The following ALDOB variants were observed in gnomAD, a reference collection of about 807,000 sequenced individuals.
ALDOB encodes the protein aldolase, fructose-bisphosphate B, also known as fructose-bisphosphate aldolase B.
A neutral mutation model predicts 41.0 loss-of-function variants in ALDOB; 39 were observed. The observed-to-expected ratio is 0.95, with a 90% CI of 0.74 to 1.24. ALDOB has a LOEUF of 1.24. Among genes scored for constraint, ALDOB ranks in the 50% most tolerant of loss-of-function variants. ALDOB has a pLI of 0.00. For synonymous variants in ALDOB, 175 were observed against 168.8 expected (o/e 1.04, Z -0.28); for missense variants, 530 against 457.3 (o/e 1.16, Z -1.45).
Position 101,427,535 on chromosome 9 carries a change from C to A in ALDOB, c.487G>T (p.Ala163Ser). Residue 163 changes from alanine to serine, a missense_variant, in exon 5 of 9, where the codon GCT becomes TCT. Ala to Ser is a moderately conservative substitution (Grantham distance 99, BLOSUM62 1). Coordinates refer to ENST00000647789, the MANE Select transcript of ALDOB (RefSeq NM_000035.4). ...AGGGCGTTGGCGTTTTCCTGGATAG[C>A]GAGGCTGGATGGACACTGGTCGGCA... ...RIADQCPSSL[A>S]IQENANALAR... 6.2e-7 allele frequency: 1 copy of A among 1,614,124 alleles called. No homozygotes were observed. Among genetic ancestry groups the A allele is most frequent in the Non-Finnish European group, 8.5e-7 (1 of 1,180,020 alleles).
intron 8 of ALDOB, 85 bp downstream of exon 8, chr9:101,424,758 C>T (rs1588169967): frequency 7.8e-6 from 12 of 1,532,004 alleles, no homozygotes; most frequent in South Asian, 3.4e-5. Context: ...CTTCTTGGCC[C>T]AAAGAAAACA....
chr9:101,424,378 C>T lies in ALDOB; in HGVS notation c.999+465G>A, dbSNP rs538386960. Among the ~76,000 whole-genome samples the T allele has an allele frequency of 1.2e-3, 176 of 152,276 alleles. 4 individuals are homozygous for T. The Middle Eastern group carries it at 0.014, about 12-fold the overall frequency. On this transcript the variant is annotated intron_variant, in intron 8 of 8. Coordinates refer to ENST00000647789, the MANE Select transcript of ALDOB (RefSeq NM_000035.4). ...AGGTTGCAGTGAGCCGAGATTGTGC[C>T]ACTGTACTCCAGCCTGGGTGACAGA...
intron 6 of ALDOB, among the ~76,000 whole-genome samples, chr9:101,426,136 A>T (rs1831125647): frequency 6.6e-6 from 1 of 152,190 alleles, no homozygotes; most frequent in East Asian, 1.9e-4. Context: ...ACTTTCTCAC[A>T]GTGTATGAAT....
chr9:101,421,977 T>C (rs977880857), intron 8 of ALDOB, 73 bp from the exon 9 acceptor site: 25 of 1,275,662 alleles, frequency 2.0e-5, no homozygotes, highest in Middle Eastern at 3.9e-4. Context: ...CTGCCTCTCA[T>C]GGGAAACCAG....
chr9:101,431,765 G>T (rs941993302), intron 1 of ALDOB, among the ~76,000 whole-genome samples: 2 of 152,148 alleles, frequency 1.3e-5, no homozygotes, highest in Non-Finnish European at 2.9e-5. Context: ...TTTTTGCATA[G>T]GTTGGGCTAC....
Position 101,421,693 on chromosome 9 carries a change from T to C in ALDOB, c.*116A>G, listed in dbSNP as rs2118332362. The stretch of plus-strand genomic sequence containing the variant: ...CCTTGTACTTAAGATTTAACATGTG[T>C]TGTATTTCCAGCAGTTCAAATCTAA... On this transcript the variant is annotated 3_prime_UTR_variant, in exon 9 of 9. Transcript: ENST00000647789. 1.2e-6 allele frequency: 1 copy of C among 815,480 alleles called. No homozygotes were observed. The highest frequency in any genetic ancestry group is 1.4e-5 in the South Asian group (1 of 69,782). 50.5% of individuals were successfully genotyped at this position (815,480 alleles called of 1,614,324 possible).
rs1588170533 is a variant in ALDOB, at chr9:101,425,604, G to C, written c.648C>G (p.Ala216=). 6.2e-7 allele frequency: 1 copy of C among 1,614,108 alleles called. No individual in the cohort carries two copies. Among genetic ancestry groups the C allele is most frequent in the Non-Finnish European group, 8.5e-7 (1 of 1,180,036 alleles). ...CCAGGTAAACATGATGGTCATTCAGGGCCTTGTAGACAGCAGCCAGGACCT... is the reference window on the plus strand; with the variant it reads ...CCAGGTAAACATGATGGTCATTCAGCGCCTTGTAGACAGCAGCCAGGACCT... The part of the protein sequence containing the change: ...TEKVLAAVYK[A]LNDHHVYLEG... Residue 216 remains alanine (A), a synonymous_variant, in exon 7 of 9, where the codon GCC becomes GCG. Transcript: ENST00000647789.
intron 1 of ALDOB, among the ~76,000 whole-genome samples, chr9:101,431,444 G>A (rs1831217790): frequency 6.6e-6 from 1 of 152,200 alleles, no homozygotes. Flanking sequence ...AGAGGGTTGG[G>A]TGCAAGTTTC....
Position 101,427,169 on chromosome 9 carries a change from T to C in ALDOB, c.540+313A>G, listed in dbSNP as rs183895835. On this transcript the variant is annotated intron_variant, in intron 5 of 8. Transcript: ENST00000647789. ...TCTAAGAGGATCATGTCTTGGATGT[T>C]ACGGAGTATAGACAACCAAGTTCCC... Among the ~76,000 whole-genome samples the C allele has an allele frequency of 3.4e-3, 524 of 152,298 alleles. 2 individuals carry two copies. The highest frequency in any genetic ancestry group is 5.2e-3 in the Non-Finnish European group (357 of 68,024).
At chr9:101,425,685 C>T in intron 6 of ALDOB, 58 bp from the exon 7 acceptor site, 1 of 1,581,686 alleles carries the variant, frequency 6.3e-7, no homozygotes, top group Non-Finnish European at 8.7e-7. Context: ...AGCCACTTGA[C>T]CTTGGCACAT....
chr9:101,429,116 AC>A (rs1218356254), intron 3 of ALDOB, among the ~76,000 whole-genome samples: 1 of 151,122 alleles, frequency 6.6e-6, no homozygotes, highest in African/African-American at 2.4e-5. Flanking sequence ...CGCAATATAA[AC>A]TTTTTCTTTT....
In ALDOB at chr9:101,421,311, C is replaced by T; in HGVS notation, c.*498G>A. ...GAAACCCAGTCATGTCTAGTAGAGT[C>T]AAAAGTAATGAAATACACTGAGTCT... On this transcript the variant is annotated 3_prime_UTR_variant, in exon 9 of 9. Transcript: ENST00000647789. The T allele has an allele frequency of 8.9e-6, 2 of 225,232 alleles. No individual in the cohort carries two copies. Among genetic ancestry groups the T allele is most frequent in the Non-Finnish European group, 1.8e-5 (2 of 111,472 alleles). The allele number at this position is 225,232 out of a possible 1,614,324, so 14.0% of individuals were successfully genotyped here.
intron 8 of ALDOB, among the ~76,000 whole-genome samples, chr9:101,422,188 A>T (rs1285778880): frequency 1.3e-5 from 2 of 152,244 alleles, no homozygotes; most frequent in Admixed American, 6.5e-5. Flanking sequence ...TAGAAACTAA[A>T]GTTGAAAAAT....
Position 101,425,025 on chromosome 9 carries a change from C to A in ALDOB, c.817G>T (p.Gly273Cys), listed in dbSNP as rs775515266. The A allele has an allele frequency of 6.2e-7, 1 of 1,614,180 alleles. No homozygotes were observed. The highest frequency in any genetic ancestry group is 8.5e-7 in the Non-Finnish European group (1 of 1,180,032). Residue 273 changes from glycine to cysteine, a missense_variant, in exon 8 of 9, where the codon GGT becomes TGT. Physicochemically the swap from Gly to Cys is radical, Grantham distance 159 (BLOSUM62 -3). Transcript: ENST00000647789. ...AAVPGICFLS[G>C]GMSEEDATLN... Reference sequence around the variant, plus strand: ...GTGGCATCCTCTTCACTCATGCCACCAGACAAAAAGCAGATGCCTGGTAGG... The same window carrying A: ...GTGGCATCCTCTTCACTCATGCCACAAGACAAAAAGCAGATGCCTGGTAGG...
chr9:101,428,488 G>T lies in ALDOB; in HGVS notation c.360C>A (p.Asn120Lys), dbSNP rs769818198. ...CCTTACCTTGAATGGTGGTTTCTTT[G>T]TTTGTTCCTGCAAGAGGAGCACCTC... ...DQGGAPLAGT[N>K]KETTIQGLDG... Residue 120 changes from asparagine (N) to lysine (K), a missense_variant, in exon 4 of 9, where the codon AAC becomes AAA. Asn to Lys is a moderately conservative substitution (Grantham distance 94). Coordinates refer to ENST00000647789, the MANE Select transcript of ALDOB (RefSeq NM_000035.4). 2 of 1,613,686 alleles carry T rather than the reference G, an allele frequency of 1.2e-6. No individual in the cohort carries two copies. The highest frequency in any genetic ancestry group is 1.7e-5 in the Admixed American group (1 of 60,002).
At chr9:101,429,622 A>C in intron 3 of ALDOB, 133 bp downstream of exon 3, 1 of 888,706 alleles carries the variant, frequency 1.1e-6, no homozygotes, top group Non-Finnish European at 1.9e-6. Context: ...TCTCTGTGGG[A>C]AGATGACGAT....
intron 1 of ALDOB, among the ~76,000 whole-genome samples, chr9:101,432,528 A>G (rs1831236083): frequency 6.6e-6 from 1 of 152,236 alleles, no homozygotes; most frequent in Non-Finnish European, 1.5e-5. Context: ...ACAATTACCA[A>G]GAAAGAAAGA....
At position 101,426,596 on chromosome 9, in the gene ALDOB, C is replaced by T. The variant is rs777601413; in HGVS notation, c.583G>A (p.Gly195Arg). The change falls in exon 6 of 9, where the codon GGA becomes AGA. Residue 195 changes from glycine (G) to arginine (R), a missense_variant. Gly to Arg is a moderately radical substitution (Grantham distance 125, BLOSUM62 -2). Transcript: ENST00000647789. Reference sequence around the variant, plus strand: ...TGGCAGTGTTCCAGGTCATGGTCTCCATCAGGAATTACCTCTGGTTCAACA... The same window carrying T: ...TGGCAGTGTTCCAGGTCATGGTCTCTATCAGGAATTACCTCTGGTTCAACA... ...PIVEPEVIPD[G>R]DHDLEHCQYV... The T allele has an allele frequency of 1.1e-5, 17 of 1,613,256 alleles. No homozygotes were observed. The highest frequency in any genetic ancestry group is 3.3e-5 in the Admixed American group (2 of 59,994).
intron 7 of ALDOB, 132 bp from the exon 8 acceptor site, chr9:101,425,174 A>G (rs1401630705): frequency 9.0e-7 from 1 of 1,114,910 alleles, no homozygotes; most frequent in Non-Finnish European, 1.3e-6. Flanking sequence ...AAGCAAACTG[A>G]GAAATCAGTT....
Sources: allele counts gnomAD v4.1 joint callset (sites outside exome capture counted in the v4.1 genomes callset), GRCh38; gene constraint gnomAD v4.1.1; transcripts MANE v1.5; gene names NCBI Gene and HGNC (gene_info 2026-07-23, HGNC 2026-07-21).